Variants in SLX4IP observed in about 807,000 individuals in gnomAD.
SLX4IP encodes the protein protein SLX4IP.
SLX4IP carries 34 observed loss-of-function variants against 32.9 expected under a neutral mutation model. That is an observed-to-expected ratio of 1.03 (90% CI 0.79 to 1.38). The LOEUF (loss-of-function observed/expected upper bound fraction) is 1.38, where lower values mean the gene tolerates loss of function less well. Ranked by LOEUF, SLX4IP falls within the 40% of genes most tolerant of loss-of-function variation. The pLI, the probability that SLX4IP is intolerant of heterozygous loss-of-function variation, is 0.00. For synonymous variants in SLX4IP, 172 were observed against 171.7 expected, an observed-to-expected ratio of 1.00 and a Z score of -0.01; for missense variants, 444 against 479.0, an observed-to-expected ratio of 0.93 and a Z score of 0.68.
intron 2 of SLX4IP, among the ~76,000 whole-genome samples, chr20:10,469,023 A>G (rs183188002): frequency 2.6e-5 from 4 of 152,262 alleles, no homozygotes; most frequent in Admixed American, 2.6e-4. Flanking sequence ...TTATACTAAC[A>G]ATAGCTTTAA....
At chr20:10,462,747 T>C (rs1332800317) in intron 2 of SLX4IP, among the ~76,000 whole-genome samples, 3 of 152,170 alleles carry the variant, frequency 2.0e-5, no homozygotes, top group African/African-American at 7.2e-5. Context: ...CCTAACCAAA[T>C]TCCTTGATGA....
At chr20:10,471,963 T>C (rs1246101848) in intron 2 of SLX4IP, among the ~76,000 whole-genome samples, 1 of 152,132 alleles carries the variant, frequency 6.6e-6, no homozygotes, top group African/African-American at 2.4e-5. Context: ...GCCAGCTTCC[T>C]AAGGGCTACC....
intron 4 of SLX4IP, among the ~76,000 whole-genome samples, chr20:10,596,853 A>G (rs1254754471): frequency 6.6e-6 from 1 of 152,188 alleles, no homozygotes; most frequent in Non-Finnish European, 1.5e-5. Flanking sequence ...GTTTTAAAGC[A>G]CTCAGAGTAA....
At chr20:10,609,268 C>A (rs1174182666) in intron 6 of SLX4IP, among the ~76,000 whole-genome samples, 1 of 152,220 alleles carries the variant, frequency 6.6e-6, no homozygotes, top group Non-Finnish European at 1.5e-5. Context: ...CATCAGAACA[C>A]CCACAGTGAT....
chr20:10,614,347 C>G (rs2067002356), intron 6 of SLX4IP: 2 of 571,394 alleles, frequency 3.5e-6, no homozygotes, highest in African/African-American at 1.9e-5. Flanking sequence ...CCCTTTATTG[C>G]CTTCACATGA....
chr20:10,531,662 C>T (rs1162075836), intron 2 of SLX4IP, among the ~76,000 whole-genome samples: 1 of 152,042 alleles, frequency 6.6e-6, no homozygotes, highest in African/African-American at 2.4e-5. Context: ...GATACCGAGA[C>T]GTGTGACAAA....
chr20:10,503,895 C>T (rs2065738454), intron 2 of SLX4IP, among the ~76,000 whole-genome samples: 1 of 151,918 alleles, frequency 6.6e-6, no homozygotes, highest in Admixed American at 6.6e-5. Flanking sequence ...AGAAGAACAA[C>T]AGTCATATTG....
chr20:10,565,310 T>C (rs1249381029), intron 4 of SLX4IP, among the ~76,000 whole-genome samples: 2 of 152,198 alleles, frequency 1.3e-5, no homozygotes, highest in African/African-American at 4.8e-5. Flanking sequence ...TGATTAAAGA[T>C]ATTAGATAGC....
intron 2 of SLX4IP, among the ~76,000 whole-genome samples, chr20:10,469,785 C>T (rs2122360442): frequency 6.6e-6 from 1 of 152,286 alleles, no homozygotes; most frequent in African/African-American, 2.4e-5. Flanking sequence ...CAGTCGTTGG[C>T]TCGTGCCCAC....
chr20:10,484,706 T>G (rs180811238), intron 2 of SLX4IP, among the ~76,000 whole-genome samples: 30 of 152,320 alleles, frequency 2.0e-4, no homozygotes, highest in Non-Finnish European at 3.5e-4. Context: ...AGAAAAGATA[T>G]GCTTTTATTA....
At chr20:10,518,464 T>TAC in intron 2 of SLX4IP, among the ~76,000 whole-genome samples, 1 of 45,878 alleles carries the variant, frequency 2.2e-5, no homozygotes, top group East Asian at 4.4e-4. Context: ...CCTTCCTTCC[T>TAC]TTCCTTTCTT....
chr20:10,619,801 T>C (rs1480507279), intron 6 of SLX4IP, among the ~76,000 whole-genome samples: 1 of 152,186 alleles, frequency 6.6e-6, no homozygotes, highest in African/African-American at 2.4e-5. Context: ...TCTCTCTTTC[T>C]CTCAGTTGAA....
chr20:10,453,316 G>GTA (rs1210358606), intron 1 of SLX4IP, among the ~76,000 whole-genome samples: 3,251 of 150,940 alleles, frequency 0.022, 83 homozygotes, highest in South Asian at 0.069. Context: ...CCGTGTGTGT[G>GTA]TGTGTGTGTG....
intron 4 of SLX4IP, among the ~76,000 whole-genome samples, chr20:10,569,589 G>A (rs568720389): frequency 6.6e-6 from 1 of 152,334 alleles, no homozygotes; most frequent in Non-Finnish European, 1.5e-5. Flanking sequence ...AAGACTAGAA[G>A]TGTAAGATCA....
At chr20:10,488,811 G>GGGAA (rs2065595675) in intron 2 of SLX4IP, among the ~76,000 whole-genome samples, 2 of 151,998 alleles carry the variant, frequency 1.3e-5, no homozygotes, top group Non-Finnish European at 2.9e-5. Flanking sequence ...AAGAGTCATT[G>GGGAA]GTGATAGACA....
chr20:10,468,353 C>A (rs2050789719), intron 2 of SLX4IP, among the ~76,000 whole-genome samples: 1 of 152,168 alleles, frequency 6.6e-6, no homozygotes, highest in South Asian at 2.1e-4. Context: ...TAGACAAGTG[C>A]CAGGGTAATG....
intron 1 of SLX4IP, among the ~76,000 whole-genome samples, chr20:10,440,342 C>T (rs1321499183): frequency 6.6e-5 from 10 of 151,880 alleles, no homozygotes; most frequent in Admixed American, 6.6e-4. Flanking sequence ...GTAATCCTAG[C>T]TACTTGGGAG....
chr20:10,462,107 A>G (rs1400017592), intron 2 of SLX4IP, among the ~76,000 whole-genome samples: 1 of 152,210 alleles, frequency 6.6e-6, no homozygotes, highest in Non-Finnish European at 1.5e-5. Flanking sequence ...TGAAAATATG[A>G]TAAAGTATGG....
At chr20:10,472,765 G>T (rs141641477) in intron 2 of SLX4IP, among the ~76,000 whole-genome samples, 8 of 152,346 alleles carry the variant, frequency 5.3e-5, no homozygotes, top group African/African-American at 1.7e-4. Flanking sequence ...TTAGCACAGA[G>T]TCACGACCCA....
Sources: gnomAD v4.1 joint callset for allele counts (sites outside exome capture counted in the v4.1 genomes callset) on GRCh38, gnomAD v4.1.1 for gene constraint, MANE v1.5 for transcripts, NCBI Gene and HGNC (gene_info 2026-07-23, HGNC 2026-07-21) for gene names.